DCST1: variants seen among roughly 807,000 people sequenced by gnomAD.
DCST1 encodes the protein DC-STAMP domain containing 1.
A neutral mutation model predicts 89.1 loss-of-function variants in DCST1; 78 were observed. The ratio of observed to expected loss-of-function variants is 0.88; its 90% CI spans 0.73 to 1.06. The LOEUF is 1.06. DCST1 is among the 50% of genes least tolerant of loss of function. The pLI is 0.00. For missense variants in DCST1, 900 were observed against 928.6 expected, an observed-to-expected ratio of 0.97 and a Z score of 0.40; for synonymous variants, 364 against 371.9, an observed-to-expected ratio of 0.98 and a Z score of 0.24.
chr1:155,049,247 G>A, intron 16 of DCST1: 1 of 574,860 alleles, frequency 1.7e-6, no homozygotes, highest in Non-Finnish European at 3.2e-6. Flanking sequence ...GTTGTTTTAA[G>A]GATTAAATGA....
chr1:155,046,347 G>T lies in DCST1; in HGVS notation c.1369-13G>T. 6.2e-7 allele frequency: 1 copy of T among 1,614,142 alleles called. No individual in the cohort carries two copies. The highest frequency in any genetic ancestry group is 8.5e-7 in the Non-Finnish European group (1 of 1,180,018). On this transcript the variant is annotated splice_polypyrimidine_tract_variant and intron_variant, in intron 12 of 16. Coordinates refer to ENST00000295542, the MANE Select transcript of DCST1 (RefSeq NM_152494.4). ...GGCACTGCCCAGCTCTGCCCCTCCT[G>T]CTCCTTGGCCAGGTGAGGGAGCTCC...
chr1:155,043,151 G>A (rs1384198201), intron 9 of DCST1, among the ~76,000 whole-genome samples: 1 of 152,152 alleles, frequency 6.6e-6, no homozygotes, highest in Non-Finnish European at 1.5e-5. Flanking sequence ...CCAGATATGA[G>A]ATGATGTCAG....
chr1:155,041,843 GTGGCA>G lies in DCST1; in HGVS notation c.880_884del (p.Gly294CysfsTer41). 5.6e-6 allele frequency: 9 copies of G among 1,614,240 alleles called. No homozygotes were observed. Among genetic ancestry groups the G allele is most frequent in the Non-Finnish European group, 7.6e-6 (9 of 1,180,048 alleles). ...CTGCCTATGAAGTTCAAGTTCTTCTGTGGCATTGCCAAGGGTCTGCACAGTTGCAA... is the reference window on the plus strand; with the variant it reads ...CTGCCTATGAAGTTCAAGTTCTTCTGTTGCCAAGGGTCTGCACAGTTGCAA... On this transcript the variant is annotated frameshift_variant, in exon 8 of 17. Transcript: ENST00000295542. LOFTEE classifies it high-confidence loss of function.
chr1:155,049,291 T>A, intron 16 of DCST1: 1 of 491,582 alleles, frequency 2.0e-6, no homozygotes, highest in Non-Finnish European at 3.6e-6. Flanking sequence ...TGCAGCAAGT[T>A]CCATATGCAT....
Position 155,042,718 on chromosome 1 carries a change from C to T in DCST1, c.893-17C>T, listed in dbSNP as rs770283729. Reference sequence around the variant, plus strand: ...ACAGGCCCGGGGAGGCCCCTGACCCCGTCCACTGTTCACCAGTGATGGAGG... The same window carrying T: ...ACAGGCCCGGGGAGGCCCCTGACCCTGTCCACTGTTCACCAGTGATGGAGG... On this transcript the variant is annotated splice_polypyrimidine_tract_variant and intron_variant, in intron 8 of 16. Transcript: ENST00000295542. 8 of 1,613,872 alleles carry T rather than the reference C, an allele frequency of 5.0e-6. No homozygotes were observed. Among genetic ancestry groups the T allele is most frequent in the East Asian group, 2.2e-5 (1 of 44,888 alleles).
chr1:155,043,042 C>G (rs552386775), intron 9 of DCST1, among the ~76,000 whole-genome samples, 186 bp downstream of exon 9: 3 of 151,440 alleles, frequency 2.0e-5, no homozygotes, highest in African/African-American at 4.9e-5. Context: ...TCTCCACCCC[C>G]GAACACCTGA....
Position 155,047,886 on chromosome 1 carries a change from G to C in DCST1, c.1712G>C (p.Gly571Ala). Residue 571 changes from glycine to alanine, a missense_variant, in exon 15 of 17, where the codon GGC becomes GCC. By Grantham distance (60) the Gly-to-Ala change is moderately conservative. Coordinates refer to ENST00000295542, the MANE Select transcript of DCST1 (RefSeq NM_152494.4). ...TGTCTCTGCCTGTTACAGGCTTTTGGCTACCGACTCCGGAGGGTCATCGCA... is the reference window on the plus strand; with the variant it reads ...TGTCTCTGCCTGTTACAGGCTTTTGCCTACCGACTCCGGAGGGTCATCGCA... ...LVCLCLLQAF[G>A]YRLRRVIAAF... The C allele has an allele frequency of 6.2e-7, 1 of 1,614,094 alleles. No individual in the cohort carries two copies. The highest frequency in any genetic ancestry group is 8.5e-7 in the Non-Finnish European group (1 of 1,180,028).
At chr1:155,039,990 CAAAAA>C (rs55764638) in intron 5 of DCST1, among the ~76,000 whole-genome samples, 2 of 13,386 alleles carry the variant, frequency 1.5e-4, no homozygotes, top group Non-Finnish European at 2.6e-4. Context: ...GACTCCGTCT[CAAAAA>C]AAAAAAAAAA....
chr1:155,047,844 C>G lies in DCST1; in HGVS notation c.1670C>G (p.Pro557Arg). The stretch of plus-strand genomic sequence containing the variant: ...AGGGCCTACTGGAGAGCTGCAGTAC[C>G]GATTGGCCTGTTAGTGTGTCTCTGC... The part of the protein sequence containing the change: ...DARAYWRAAV[P>R]IGLLVCLCLL... Residue 557 changes from proline to arginine, a missense_variant, in exon 15 of 17, where the codon CCG becomes CGG. Coordinates refer to ENST00000295542, the MANE Select transcript of DCST1 (RefSeq NM_152494.4). 1 of 1,614,222 alleles carries G rather than the reference C, an allele frequency of 6.2e-7. No individual in the cohort carries two copies. The highest frequency in any genetic ancestry group is 1.3e-5 in the African/African-American group (1 of 75,052).
chr1:155,039,685 G>T (rs1018073070), intron 5 of DCST1, among the ~76,000 whole-genome samples, 154 bp downstream of exon 5: 1 of 152,154 alleles, frequency 6.6e-6, no homozygotes, highest in East Asian at 1.9e-4. Context: ...CCCCATATCT[G>T]GGCCTCCTCA....
chr1:155,049,301 T>A, intron 16 of DCST1: 1 of 480,774 alleles, frequency 2.1e-6, no homozygotes, highest in Non-Finnish European at 3.7e-6. Flanking sequence ...TCCATATGCA[T>A]GCATGTTATC....
At chr1:155,048,032 T>G in intron 15 of DCST1, 25 bp from the exon 16 acceptor site, 2 of 1,613,618 alleles carry the variant, frequency 1.2e-6, no homozygotes, top group Middle Eastern at 1.6e-4. Context: ...CCTTTCTCTA[T>G]CATTGACCCC....
At chr1:155,049,524 C>T (rs1041460992) in intron 16 of DCST1, among the ~76,000 whole-genome samples, 11 of 151,746 alleles carry the variant, frequency 7.2e-5, no homozygotes, top group African/African-American at 1.5e-4. Flanking sequence ...AAGCGATTCT[C>T]GTGCCTCAGC....
chr1:155,040,689 G>C, intron 6 of DCST1, 65 bp downstream of exon 6: 1 of 1,490,836 alleles, frequency 6.7e-7, no homozygotes, highest in Non-Finnish European at 9.0e-7. Flanking sequence ...AACTTGAGCT[G>C]GGAGTTGTCA....
chr1:155,048,183 G>GT lies in DCST1; in HGVS notation c.1869+14dup. On this transcript the variant is annotated intron_variant, in intron 16 of 16. Coordinates refer to ENST00000295542, the MANE Select transcript of DCST1 (RefSeq NM_152494.4). ...GCAGAAGGCTCCGGTAAGTCCAGGCGTAAGTGCTGCTGCCAGCTCCTGGCT... is the reference window on the plus strand; with the variant it reads ...GCAGAAGGCTCCGGTAAGTCCAGGCGTTAAGTGCTGCTGCCAGCTCCTGGCT... 6.2e-7 allele frequency: 1 copy of GT among 1,609,798 alleles called. No homozygotes were observed. Among genetic ancestry groups the GT allele is most frequent in the Non-Finnish European group, 8.5e-7 (1 of 1,177,170 alleles).
chr1:155,036,771 C>T (rs762698496), intron 4 of DCST1, among the ~76,000 whole-genome samples: 7 of 152,238 alleles, frequency 4.6e-5, no homozygotes, highest in Non-Finnish European at 5.9e-5. Flanking sequence ...GTGTGGACCT[C>T]GGCAATGCCC....
At position 155,050,680 on chromosome 1, in the gene DCST1, C is replaced by T; in HGVS notation, c.1933C>T (p.Arg645Cys). 1.9e-6 allele frequency: 3 copies of T among 1,602,834 alleles called. No homozygotes were observed. Among genetic ancestry groups the T allele is most frequent in the Non-Finnish European group, 2.6e-6 (3 of 1,176,426 alleles). ...CPLLRRWLCR[R>C]CVVCQAPETP... ...GCTCCTGCGCCGCTGGCTGTGCCGGCGCTGCGTGGTGTGCCAGGCACCCGA... is the reference window on the plus strand; with the variant it reads ...GCTCCTGCGCCGCTGGCTGTGCCGGTGCTGCGTGGTGTGCCAGGCACCCGA... The change falls in exon 17 of 17, where the codon CGC becomes TGC. Residue 645 changes from arginine (R) to cysteine (C), a missense_variant. Coordinates refer to ENST00000295542, the MANE Select transcript of DCST1 (RefSeq NM_152494.4).
rs1660494049 is a variant in DCST1 at position 155,043,379 on chromosome 1, C to T, written c.1042C>T (p.Leu348Phe). Residue 348 changes from leucine to phenylalanine, a missense_variant, in exon 10 of 17, where the codon CTC (leucine) becomes TTC (phenylalanine). Leu to Phe is a conservative substitution (Grantham distance 22). Transcript: ENST00000295542. ...AGAGAAGCAGGCTGGGGTGCTGGGGCTCAACACAAGCTGGGAGCGCGTGAG... is the reference window on the plus strand; with the variant it reads ...AGAGAAGCAGGCTGGGGTGCTGGGGTTCAACACAAGCTGGGAGCGCGTGAG... ...KEEKQAGVLG[L>F]NTSWERVSTE... 1.2e-6 allele frequency: 2 copies of T among 1,614,022 alleles called. No homozygotes were observed. The highest frequency in any genetic ancestry group is 1.7e-6 in the Non-Finnish European group (2 of 1,179,970).
chr1:155,042,803 A>T lies in DCST1; in HGVS notation c.961A>T (p.Asn321Tyr). 6.2e-7 allele frequency: 1 copy of T among 1,614,208 alleles called. No individual in the cohort carries two copies. The stretch of plus-strand genomic sequence containing the variant: ...CTTTGGGCAGACCTACGACTCCCTC[A>T]ACCAGTCTATTCGTGGCCTGGATGG... ...GNFGQTYDSL[N>Y]QSIRGLDGEF... Residue 321 changes from asparagine (N) to tyrosine (Y), a missense_variant, in exon 9 of 17, where the codon AAC becomes TAC. Transcript: ENST00000295542.
Sources: allele counts gnomAD v4.1 joint callset (sites outside exome capture counted in the v4.1 genomes callset), GRCh38; gene constraint gnomAD v4.1.1; transcripts MANE v1.5; gene names NCBI Gene and HGNC (gene_info 2026-07-23, HGNC 2026-07-21).